LYRM9: variants seen among roughly 807,000 people sequenced by gnomAD.
LYRM9 encodes LYR motif-containing protein 9.
LYRM9 carries 14 observed loss-of-function variants against 12.6 expected under a neutral mutation model. The observed-to-expected ratio is 1.11, with a 90% CI of 0.73 to 1.73. The LOEUF is 1.73. LYRM9 is among the 40% of genes most tolerant of loss of function. The probability of loss-of-function intolerance (pLI) is 0.00; values close to 1 mark genes in which losing one functional copy is unlikely to be tolerated. For missense variants in LYRM9, 94 were observed against 95.0 expected, an observed-to-expected ratio of 0.99 and a Z score of 0.04; for synonymous variants, 42 against 35.1, an observed-to-expected ratio of 1.20 and a Z score of -0.69.
chr17:27,884,690 G>T (rs1226465158), intron 1 of LYRM9, among the ~76,000 whole-genome samples: 1 of 152,174 alleles, frequency 6.6e-6, no homozygotes, highest in Non-Finnish European at 1.5e-5. Context: ...CTGAGCGCCT[G>T]GCCCGCAGTG....
In LYRM9 at chr17:27,882,222, G is replaced by A. The variant is rs375019943; in HGVS notation, c.126+347C>T. 3.1e-4 allele frequency among the ~76,000 whole-genome samples: 47 copies of A among 152,146 alleles called. 1 individual carries two copies. The highest frequency in any genetic ancestry group is 1.1e-3 in the African/African-American group (45 of 41,434). ...AGGCCTATTAGTTATGTGGTAGATG[G>A]CCTCTCGATTTGGTTTTACCTGATG... On this transcript the variant is annotated intron_variant, in intron 2 of 3. Coordinates refer to ENST00000379102, the MANE Select transcript of LYRM9 (RefSeq NM_001076680.3).
At chr17:27,890,347 G>A (rs1487361888) in intron 1 of LYRM9, among the ~76,000 whole-genome samples, 1 of 151,812 alleles carries the variant, frequency 6.6e-6, no homozygotes, top group African/African-American at 2.4e-5. Flanking sequence ...ATGCCTTTCT[G>A]AAACCCAAGG....
Position 27,887,059 on chromosome 17 carries a change from T to A in LYRM9, c.-18-4347A>T, listed in dbSNP as rs184088119. ...TGGTTCAGACTCTCTCTGAGACAAC[T>A]GCAACAGCCCCTAGCTGGTCTCCCT... On this transcript the variant is annotated intron_variant, in intron 1 of 3. Coordinates refer to ENST00000379102, the MANE Select transcript of LYRM9 (RefSeq NM_001076680.3). Among the ~76,000 whole-genome samples, 44 of 152,310 alleles carry A rather than the reference T, an allele frequency of 2.9e-4. 1 individual carries two copies. The highest frequency in any genetic ancestry group is 2.8e-3 in the Admixed American group (43 of 15,298).
intron 1 of LYRM9, 118 bp downstream of exon 1, chr17:27,893,199 T>C (rs898845342): frequency 2.0e-5 from 3 of 152,272 alleles, no homozygotes; most frequent in South Asian, 2.0e-4. Context: ...AGGTCTTCAA[T>C]AGATCCGAGG....
Position 27,880,261 on chromosome 17 carries a change from G to C in LYRM9, c.219+13C>G. 1 of 1,595,886 alleles carries C rather than the reference G, an allele frequency of 6.3e-7. No homozygotes were observed. The highest frequency in any genetic ancestry group is 1.3e-5 in the African/African-American group (1 of 74,710). On this transcript the variant is annotated intron_variant, in intron 3 of 3. Transcript: ENST00000379102. ...CCCAGCTCGCAGGCAGAGCCCAGGG[G>C]CCAAGCACCTACTTTGTTCATGATC...
At chr17:27,880,530 A>T (rs114421520) in intron 2 of LYRM9, 164 bp from the exon 3 acceptor site, 1 of 608,430 alleles carries the variant, frequency 1.6e-6, no homozygotes, top group African/African-American at 1.8e-5. Flanking sequence ...ATGAGGAAAC[A>T]GAGGCTCACT....
chr17:27,879,777 A>C (rs1235143770), intron 3 of LYRM9: 1 of 540,428 alleles, frequency 1.9e-6, no homozygotes, highest in Non-Finnish European at 3.3e-6. Flanking sequence ...TCACACTCCA[A>C]CTCTCTAGGT....
chr17:27,887,609 G>A (rs1905271587), intron 1 of LYRM9, among the ~76,000 whole-genome samples: 1 of 152,194 alleles, frequency 6.6e-6, no homozygotes, highest in African/African-American at 2.4e-5. Context: ...AGCCCATGCT[G>A]TGTTTGCCTG....
chr17:27,879,214 T>C lies in LYRM9; in HGVS notation c.*259A>G, dbSNP rs1904950253. 1 of 422,654 alleles carries C rather than the reference T, an allele frequency of 2.4e-6. No individual in the cohort carries two copies. Among genetic ancestry groups the C allele is most frequent in the East Asian group, 4.1e-5 (1 of 24,342 alleles). The allele number at this position is 422,654 out of a possible 1,614,324, so 26.2% of individuals were successfully genotyped here. A position where few individuals can be genotyped will look rare whatever the true frequency, so the allele number is the denominator to read the frequency against. On this transcript the variant is annotated 3_prime_UTR_variant, in exon 4 of 4. Coordinates refer to ENST00000379102, the MANE Select transcript of LYRM9 (RefSeq NM_001076680.3). ...AAGTAAAAGAACAAAAACACAAAAATAAAAAACACACAAAAGAAGCAAAAA... is the reference window on the plus strand; with the variant it reads ...AAGTAAAAGAACAAAAACACAAAAACAAAAAACACACAAAAGAAGCAAAAA...
intron 1 of LYRM9, among the ~76,000 whole-genome samples, chr17:27,883,603 T>G (rs985198156): frequency 6.8e-6 from 1 of 146,256 alleles, no homozygotes; most frequent in Non-Finnish European, 1.5e-5. Flanking sequence ...TGAGCCAAGA[T>G]AGTACGACTG....
Position 27,886,485 on chromosome 17 carries a change from T to C in LYRM9, c.-18-3773A>G, listed in dbSNP as rs1905235447. Among the ~76,000 whole-genome samples the C allele has an allele frequency of 6.6e-6, 1 of 152,192 alleles. No individual in the cohort carries two copies. The highest frequency in any genetic ancestry group is 1.5e-5 in the Non-Finnish European group (1 of 68,030). ...TGGGCCTGGCAACACTTGCCTCCCT[T>C]GCCCTGCCCTTTGGACTTGATCTTG... On this transcript the variant is annotated intron_variant, in intron 1 of 3. Coordinates refer to ENST00000379102, the MANE Select transcript of LYRM9 (RefSeq NM_001076680.3). This position sits in a 1 kb window ranked among gnomAD's most constrained non-coding sequence, Gnocchi z 4.8.
chr17:27,880,647 C>T (rs1476666172), intron 2 of LYRM9: 1 of 492,342 alleles, frequency 2.0e-6, no homozygotes, highest in Middle Eastern at 5.7e-4. Flanking sequence ...ACTGCCAAAT[C>T]AAGCTAGGCC....
intron 1 of LYRM9, chr17:27,891,944 T>TG (rs11433226): frequency 6.6e-6 from 1 of 151,624 alleles, no homozygotes; most frequent in Non-Finnish European, 1.5e-5. Context: ...TTTTTTTTTT[T>TG]GTCCTGAGAC....
chr17:27,883,452 C>A (rs1905131981), intron 1 of LYRM9, among the ~76,000 whole-genome samples: 1 of 152,050 alleles, frequency 6.6e-6, no homozygotes. Flanking sequence ...GAGTTTGAGA[C>A]CAGCATGGCC....
In LYRM9 at chr17:27,882,672, T is replaced by G. The variant is rs888305338; in HGVS notation, c.23A>C (p.Glu8Ala). Residue 8 changes from glutamate to alanine, a missense_variant, in exon 2 of 4, where the codon GAA becomes GCA. By Grantham distance (107) the Glu-to-Ala change is moderately radical. Transcript: ENST00000379102. MAPLPGAELVRRPLQLYR... is the reference protein window; with the variant it reads MAPLPGAALVRRPLQLYR... ...GAGCTGCAGTGGCCTCCGAACCAGT[T>G]CTGCTCCTGGCAGCGGGGCCATCCG... The G allele has an allele frequency of 3.1e-6, 5 of 1,605,294 alleles. No individual in the cohort carries two copies. Among genetic ancestry groups the G allele is most frequent in the Non-Finnish European group, 4.3e-6 (5 of 1,176,082 alleles).
intron 1 of LYRM9, among the ~76,000 whole-genome samples, chr17:27,891,421 T>C (rs777488345): frequency 1.1e-4 from 16 of 152,242 alleles, no homozygotes; most frequent in Non-Finnish European, 1.5e-4. Flanking sequence ...TACATAGGAC[T>C]GTTGTAAGGA....
At chr17:27,892,527 G>A in intron 1 of LYRM9, 2 of 415,552 alleles carry the variant, frequency 4.8e-6, no homozygotes, top group Non-Finnish European at 9.3e-6. Flanking sequence ...ATTACGCTAA[G>A]TGAACAAACC....
At chr17:27,879,774 C>T (rs1904977312) in intron 3 of LYRM9, 1 of 544,916 alleles carries the variant, frequency 1.8e-6, no homozygotes, top group Admixed American at 3.4e-5. Context: ...TGGTCACACT[C>T]CAACTCTCTA....
Position 27,880,350 on chromosome 17 carries a change from G to T in LYRM9, c.143C>A (p.Ser48Ter). 6 of 1,605,258 alleles carry T rather than the reference G, an allele frequency of 3.7e-6. No homozygotes were observed. The highest frequency in any genetic ancestry group is 5.1e-6 in the Non-Finnish European group (6 of 1,175,404). Reference sequence around the variant, plus strand: ...GATTCTCTCAGGGTTGTCTTCATCTGAATGAACCCGAAAACTCTGCAAGTT... The same window carrying T: ...GATTCTCTCAGGGTTGTCTTCATCTTAATGAACCCGAAAACTCTGCAAGTT... ...HAVRQSFRVH[S>*]DEDNPERIQQ... The change falls in exon 3 of 4, where the codon TCA (serine) becomes TAA (stop). Residue 48 changes from serine to a stop codon, truncating the protein, a stop_gained. Transcript: ENST00000379102. LOFTEE classifies it high-confidence loss of function.
Sources: gnomAD v4.1 joint callset for allele counts (sites outside exome capture counted in the v4.1 genomes callset) on GRCh38, gnomAD v4.1.1 for gene constraint, Gnocchi (gnomAD v3.1) non-coding constraint, MANE v1.5 for transcripts, NCBI Gene and HGNC (gene_info 2026-07-23, HGNC 2026-07-21) for gene names.